Variants in MTMR3 observed in about 807,000 individuals in gnomAD.
MTMR3 encodes myotubularin related protein 3.
A neutral mutation model predicts 132.4 loss-of-function variants in MTMR3; 32 were observed. That is an observed-to-expected ratio of 0.24 (90% CI 0.18 to 0.32). MTMR3 has a LOEUF of 0.32. Among genes scored for constraint, MTMR3 ranks in the 10% least tolerant of loss-of-function variants. The pLI is 1.00. For missense variants in MTMR3, 1,216 were observed against 1,489.6 expected (o/e 0.82, Z 3.02); for synonymous variants, 556 against 550.3 (o/e 1.01, Z -0.14).
intron 2 of MTMR3, among the ~76,000 whole-genome samples, chr22:29,967,398 ATT>A (rs111456917): frequency 7.0e-6 from 1 of 141,984 alleles, no homozygotes; most frequent in Non-Finnish European, 1.5e-5. Context: ...CAACCACCTA[ATT>A]TTTTTTTTTT....
At chr22:29,962,770 T>C (rs1357931880) in intron 2 of MTMR3, among the ~76,000 whole-genome samples, 1 of 152,200 alleles carries the variant, frequency 6.6e-6, no homozygotes, top group Non-Finnish European at 1.5e-5. Context: ...TCTAAGATTT[T>C]CCTGTTCTGG....
rs755019622 is a variant in MTMR3, at chr22:30,029,495, TAAAC to T, written c.*3697_*3700del. ...GAACAGAAGGTGCTGGAGGACCTGT[TAAAC>T]AATCTCTGGCTATTAAAAAACATCA... On this transcript the variant is annotated 3_prime_UTR_variant, in exon 20 of 20. Coordinates refer to ENST00000401950, the MANE Select transcript of MTMR3 (RefSeq NM_021090.4). 6 of 152,360 alleles carry T rather than the reference TAAAC, an allele frequency of 3.9e-5. No homozygotes were observed. The highest frequency in any genetic ancestry group is 6.5e-5 in the Admixed American group (1 of 15,276). 9.4% of individuals were successfully genotyped at this position (152,360 alleles called of 1,614,324 possible). A position where few individuals can be genotyped will look rare whatever the true frequency, so the allele number is the denominator to read the frequency against.
intron 1 of MTMR3, among the ~76,000 whole-genome samples, chr22:29,955,792 C>G (rs1386819086): frequency 6.6e-6 from 1 of 152,066 alleles, no homozygotes; most frequent in African/African-American, 2.4e-5. Flanking sequence ...CACACTGTCG[C>G]CAAGGCTGGA....
chr22:29,958,813 C>T (rs2066251227), intron 2 of MTMR3, among the ~76,000 whole-genome samples: 1 of 152,246 alleles, frequency 6.6e-6, no homozygotes. Context: ...CACAGAAACA[C>T]TCCTAGACTC....
chr22:29,888,757 A>G (rs1602405980), intron 1 of MTMR3, among the ~76,000 whole-genome samples: 1 of 136,384 alleles, frequency 7.3e-6, no homozygotes, highest in African/African-American at 2.7e-5. Flanking sequence ...TAATTTCTTT[A>G]TTAGTTAATA....
chr22:29,890,877 C>T (rs1198983378), intron 1 of MTMR3, among the ~76,000 whole-genome samples: 2 of 152,024 alleles, frequency 1.3e-5, no homozygotes, highest in Non-Finnish European at 2.9e-5. Context: ...TAAGCAGGTG[C>T]GGTACATGGT....
chr22:29,991,416 G>C, intron 6 of MTMR3, 88 bp from the exon 7 acceptor site: 2 of 1,322,884 alleles, frequency 1.5e-6, no homozygotes, highest in East Asian at 2.5e-5. Flanking sequence ...ACTTCACTAC[G>C]AGTGGGCATT....
intron 1 of MTMR3, among the ~76,000 whole-genome samples, chr22:29,950,861 G>A (rs1431474358): frequency 7.3e-6 from 1 of 137,222 alleles, no homozygotes; most frequent in Non-Finnish European, 1.8e-5. Context: ...TGAGTTAAAA[G>A]TATAAAGTGG....
chr22:29,967,771 T>C (rs1480332648), intron 2 of MTMR3, among the ~76,000 whole-genome samples: 2 of 152,138 alleles, frequency 1.3e-5, no homozygotes, highest in Non-Finnish European at 2.9e-5. Flanking sequence ...GGATTTACCT[T>C]TTCTGGACAT....
intron 12 of MTMR3, chr22:30,011,602 A>C (rs1425005421): frequency 2.0e-5 from 3 of 152,252 alleles, no homozygotes; most frequent in African/African-American, 7.2e-5. Context: ...ACCTCAAGTG[A>C]TCCACCCACC....
Position 30,020,248 on chromosome 22 carries a change from T to C in MTMR3, c.2589T>C (p.His863=). ...AGTCAGTAAGTGGGCCCCAAGGTCA[T>C]CATAGATCTTGCCTTGTAAATAGTG... ...KVKSVSGPQG[H]HRSCLVNSGK... is the part of the protein sequence containing the mutation. The change falls in exon 17 of 20, where the codon CAT becomes CAC. Residue 863 remains histidine (H), a synonymous_variant. Transcript: ENST00000401950. 6.2e-7 allele frequency: 1 copy of C among 1,614,166 alleles called. No homozygotes were observed. The highest frequency in any genetic ancestry group is 8.5e-7 in the Non-Finnish European group (1 of 1,180,034).
intron 1 of MTMR3, among the ~76,000 whole-genome samples, chr22:29,898,132 C>T (rs1209845083): frequency 6.6e-6 from 1 of 152,140 alleles, no homozygotes; most frequent in East Asian, 1.9e-4. Context: ...TGAGCCACTG[C>T]ACTTGCCTTA....
At chr22:29,932,615 C>T (rs1009123689) in intron 1 of MTMR3, among the ~76,000 whole-genome samples, 3 of 152,026 alleles carry the variant, frequency 2.0e-5, no homozygotes, top group African/African-American at 7.2e-5. Flanking sequence ...TAGAGTACAA[C>T]ATTTTTTAAA....
chr22:30,021,906 G>C, intron 17 of MTMR3, 123 bp from the exon 18 acceptor site: 1 of 705,162 alleles, frequency 1.4e-6, no homozygotes. Flanking sequence ...TGCATCTGCA[G>C]ATTCGGCAGT....
At position 30,002,982 on chromosome 22, in the gene MTMR3, C is replaced by T. The variant is rs376807032; in HGVS notation, c.660C>T (p.Ala220=). 42 of 1,613,626 alleles carry T rather than the reference C, an allele frequency of 2.6e-5. No individual in the cohort carries two copies. Among genetic ancestry groups the T allele is most frequent in the South Asian group, 5.5e-5 (5 of 91,056 alleles). ...SSFRSWKRIP[A]VIYRHQSNGA... Reference sequence around the variant, plus strand: ...TCAGGTCCTGGAAGCGCATCCCTGCCGTCATCTACAGGTAAGTTAAACTGG... The same window carrying T: ...TCAGGTCCTGGAAGCGCATCCCTGCTGTCATCTACAGGTAAGTTAAACTGG... Residue 220 remains alanine (A), a synonymous_variant, in exon 9 of 20, where the codon GCC becomes GCT. Transcript: ENST00000401950.
At chr22:29,958,276 G>A (rs2066240709) in intron 2 of MTMR3, among the ~76,000 whole-genome samples, 1 of 152,138 alleles carries the variant, frequency 6.6e-6, no homozygotes, top group Admixed American at 6.6e-5. Flanking sequence ...TTAGGGAACT[G>A]TAGTACAGTT....
chr22:29,986,116 ACT>A (rs2066852410), intron 5 of MTMR3: 1 of 152,140 alleles, frequency 6.6e-6, no homozygotes, highest in East Asian at 1.9e-4. Flanking sequence ...TGTAAAGCTC[ACT>A]CTAATCCTAT....
At chr22:30,010,177 G>A (rs757903177) in intron 12 of MTMR3, 3 of 152,170 alleles carry the variant, frequency 2.0e-5, no homozygotes, top group Non-Finnish European at 4.4e-5. Context: ...TGTAGAAGGA[G>A]CCTTACTAAG....
intron 2 of MTMR3, among the ~76,000 whole-genome samples, chr22:29,968,235 T>C (rs5763650): frequency 0.36 from 54,188 of 151,982 alleles, 10,569 homozygotes; most frequent in East Asian, 0.72. Flanking sequence ...TCACATTCCA[T>C]CTACATCTGA....
Sources: gnomAD v4.1 joint callset for allele counts (sites outside exome capture counted in the v4.1 genomes callset) on GRCh38, gnomAD v4.1.1 for gene constraint, MANE v1.5 for transcripts, NCBI Gene and HGNC (gene_info 2026-07-23, HGNC 2026-07-21) for gene names.